The following ZNG1E variants were observed in gnomAD, a reference collection of about 807,000 sequenced individuals.
ZNG1E encodes the protein Zn regulated GTPase metalloprotein activator 1E.
the ZNG1E span, chr9:65,719,479 C>T: frequency 1.5e-5 from 2 of 129,496 alleles, no homozygotes; most frequent in Admixed American, 8.0e-5. Flanking sequence ...TTGTGCTTTT[C>T]ATATCAGAAC....
the ZNG1E span, among the ~76,000 whole-genome samples, chr9:65,680,819 C>T: frequency 1.5e-3 from 231 of 151,054 alleles, no homozygotes; most frequent in African/African-American, 5.4e-3. Flanking sequence ...GATGGAGTCT[C>T]ACTGTGTTGC....
At chr9:65,690,974 G>C in the ZNG1E span, 1 of 1,602,884 alleles carries the variant, frequency 6.2e-7, no homozygotes, top group Non-Finnish European at 8.5e-7. Flanking sequence ...CAGGTGCAGT[G>C]ACTTCTATGT....
the ZNG1E span, among the ~76,000 whole-genome samples, chr9:65,658,344 G>C: frequency 6.6e-6 from 1 of 151,794 alleles, no homozygotes; most frequent in Non-Finnish European, 1.5e-5. Flanking sequence ...AAAATTCAGA[G>C]AAAGTTTGGA....
the ZNG1E span, among the ~76,000 whole-genome samples, chr9:65,669,688 T>C: frequency 6.6e-6 from 1 of 151,752 alleles, no homozygotes; most frequent in Non-Finnish European, 1.5e-5. Flanking sequence ...CTAAGACTTA[T>C]TAATAGCATG....
chr9:65,660,153 T>A, the ZNG1E span, among the ~76,000 whole-genome samples: 87 of 132,284 alleles, frequency 6.6e-4, no homozygotes, highest in Non-Finnish European at 9.6e-4. Flanking sequence ...GCATGTAACA[T>A]AAAGGGCAAC....
the ZNG1E span, among the ~76,000 whole-genome samples, chr9:65,661,041 T>A: frequency 6.8e-6 from 1 of 147,992 alleles, no homozygotes; most frequent in Non-Finnish European, 1.5e-5. Flanking sequence ...TGTGGAAACT[T>A]GGGCCATGTA....
chr9:65,684,868 A>G, the ZNG1E span, among the ~76,000 whole-genome samples: 1,365 of 151,642 alleles, frequency 9.0e-3, 1 homozygote, highest in African/African-American at 0.032. Context: ...AGTCACACAC[A>G]TTTTTTTGTT....
At chr9:65,691,561 G>A in the ZNG1E span, among the ~76,000 whole-genome samples, 1 of 152,346 alleles carries the variant, frequency 6.6e-6, no homozygotes, top group South Asian at 2.1e-4. Context: ...TTCCAATTTA[G>A]TGCTTCCACT....
chr9:65,699,084 T>TTTA, the ZNG1E span, among the ~76,000 whole-genome samples: 1 of 148,610 alleles, frequency 6.7e-6, no homozygotes, highest in African/African-American at 2.5e-5. Flanking sequence ...ATTTATTTTA[T>TTTA]TTTATTTTAT....
the ZNG1E span, among the ~76,000 whole-genome samples, chr9:65,710,751 A>C: frequency 2.0e-5 from 3 of 149,528 alleles, no homozygotes; most frequent in Admixed American, 6.7e-5. Flanking sequence ...TGTTTTGGTT[A>C]CTGTAGCCTT....
At chr9:65,680,919 G>A in the ZNG1E span, among the ~76,000 whole-genome samples, 1 of 152,206 alleles carries the variant, frequency 6.6e-6, no homozygotes, top group South Asian at 2.1e-4. Flanking sequence ...CGCCTGAGTA[G>A]CTGGGACTAC....
At chr9:65,660,407 G>T in the ZNG1E span, among the ~76,000 whole-genome samples, 1 of 140,918 alleles carries the variant, frequency 7.1e-6, no homozygotes, top group Non-Finnish European at 1.6e-5. Context: ...GAGTAGGAAT[G>T]AAAAAAGAAT....
chr9:65,658,005 A>C, the ZNG1E span, among the ~76,000 whole-genome samples: 1 of 152,240 alleles, frequency 6.6e-6, no homozygotes, highest in Non-Finnish European at 1.5e-5. Context: ...AGGCTGAGGC[A>C]GGAGAATCAC....
At chr9:65,688,161 GA>G in the ZNG1E span, among the ~76,000 whole-genome samples, 1 of 149,862 alleles carries the variant, frequency 6.7e-6, no homozygotes, top group Non-Finnish European at 1.5e-5. Flanking sequence ...TATTTTAAAT[GA>G]ATTAATTGGT....
the ZNG1E span, chr9:65,703,783 G>A: frequency 4.1e-6 from 4 of 971,282 alleles, no homozygotes; most frequent in East Asian, 4.6e-4. Context: ...AGAGATTAGA[G>A]GTGCTGCCAG....
chr9:65,657,983 A>C, the ZNG1E span, among the ~76,000 whole-genome samples: 15 of 152,366 alleles, frequency 9.8e-5, no homozygotes, highest in South Asian at 2.9e-3. Context: ...CCTGTAATCC[A>C]AGCTACTCGG....
the ZNG1E span, chr9:65,732,466 T>A: frequency 9.7e-7 from 1 of 1,028,064 alleles, no homozygotes; most frequent in African/African-American, 1.7e-5. Flanking sequence ...GTTTATCAGA[T>A]AATTCGTTTC....
chr9:65,726,436 T>C, the ZNG1E span, among the ~76,000 whole-genome samples: 25 of 70,042 alleles, frequency 3.6e-4, no homozygotes, highest in African/African-American at 1.2e-3. Context: ...ATTCACTAGG[T>C]TGGTTATTAA....
chr9:65,673,596 C>G, the ZNG1E span, among the ~76,000 whole-genome samples: 3 of 141,806 alleles, frequency 2.1e-5, no homozygotes, highest in Admixed American at 1.4e-4. Flanking sequence ...AGAGATGAGA[C>G]TTTAGACCAG....
Sources: allele counts gnomAD v4.1 joint callset (sites outside exome capture counted in the v4.1 genomes callset), GRCh38; gene constraint gnomAD v4.1.1; transcripts MANE v1.5; gene names NCBI Gene and HGNC (gene_info 2026-07-23, HGNC 2026-07-21).